The following TAFA5 variants were observed in gnomAD, a reference collection of about 807,000 sequenced individuals.
TAFA5 encodes the protein TAFA chemokine like family member 5.
TAFA5 carries 6 observed loss-of-function variants against 15.3 expected under a neutral mutation model. That is an observed-to-expected ratio of 0.39 (90% CI 0.21 to 0.77). The LOEUF (loss-of-function observed/expected upper bound fraction) is 0.77. Among genes scored for constraint, TAFA5 ranks in the 30% least tolerant of loss-of-function variants. The pLI is 0.41. For synonymous variants in TAFA5, 103 were observed against 80.7 expected, an observed-to-expected ratio of 1.28 and a Z score of -1.48; for missense variants, 161 against 193.1, an observed-to-expected ratio of 0.83 and a Z score of 0.98.
intron 2 of TAFA5, among the ~76,000 whole-genome samples, chr22:48,700,683 G>A (rs1464390238): frequency 6.6e-6 from 1 of 152,200 alleles, no homozygotes; most frequent in African/African-American, 2.4e-5. Flanking sequence ...ACGCACTCCA[G>A]GGGCAGGGCT....
chr22:48,520,143 A>T (rs1391585244), intron 1 of TAFA5, among the ~76,000 whole-genome samples: 1 of 152,218 alleles, frequency 6.6e-6, no homozygotes, highest in African/African-American at 2.4e-5. Flanking sequence ...CCACGCTGGA[A>T]GCTGGAGGCC....
At chr22:48,646,124 G>A (rs1018725752) in intron 1 of TAFA5, among the ~76,000 whole-genome samples, 2 of 152,156 alleles carry the variant, frequency 1.3e-5, no homozygotes, top group African/African-American at 4.8e-5. Flanking sequence ...TGACAAGCCT[G>A]AGCGGGGGTC....
chr22:48,606,200 CAAA>C (rs1293033877), intron 1 of TAFA5, among the ~76,000 whole-genome samples: 2 of 152,160 alleles, frequency 1.3e-5, no homozygotes. Flanking sequence ...CCTGGGACCC[CAAA>C]ATCCCACCTC....
intron 1 of TAFA5, among the ~76,000 whole-genome samples, chr22:48,643,351 C>G (rs1234164966): frequency 6.6e-6 from 1 of 152,172 alleles, no homozygotes; most frequent in African/African-American, 2.4e-5. Context: ...GGCCTTGTTT[C>G]AGGGCTCAGC....
At chr22:48,681,490 C>A (rs5845858) in intron 2 of TAFA5, among the ~76,000 whole-genome samples, 153 of 134,550 alleles carry the variant, frequency 1.1e-3, no homozygotes, top group Admixed American at 1.2e-3. Context: ...TAAAAAAATA[C>A]AAAAAAAAAA....
rs867960923 is a variant in TAFA5 at position 48,668,370 on chromosome 22, G to A, written c.262+21624G>A. Among the ~76,000 whole-genome samples, 14 of 26,590 alleles carry A rather than the reference G, an allele frequency of 5.3e-4. 1 individual carries two copies. The highest frequency in any genetic ancestry group is 9.1e-4 in the Admixed American group (2 of 2,192). The allele number at this position is 26,590 out of a possible 152,430, so 17.4% of individuals were successfully genotyped here. A position where few individuals can be genotyped will look rare whatever the true frequency, so the allele number is the denominator to read the frequency against. ...GAGCTGTAGTCCCCCAGCACTCAGGGCCGCGTCTTCACTGGGAGCTGTAAT... is the reference window on the plus strand; with the variant it reads ...GAGCTGTAGTCCCCCAGCACTCAGGACCGCGTCTTCACTGGGAGCTGTAAT... On this transcript the variant is annotated intron_variant, in intron 2 of 3. Coordinates refer to ENST00000402357, the MANE Select transcript of TAFA5 (RefSeq NM_001082967.3).
chr22:48,489,712 C>T lies in TAFA5; in HGVS notation c.112+8C>T, dbSNP rs1285519089. On this transcript the variant is annotated splice_region_variant and intron_variant, in intron 1 of 3. Coordinates refer to ENST00000402357, the MANE Select transcript of TAFA5 (RefSeq NM_001082967.3). The surrounding 1 kb of genome is among the most constrained non-coding windows in gnomAD (Gnocchi z 5.5). ...TGCTCATCGCCTACTGCAGTGAGTA[C>T]CGCGCGGCCCCGGCCCCGGCACGGC... The T allele has an allele frequency of 1.4e-6, 2 of 1,439,588 alleles. No homozygotes were observed. Among genetic ancestry groups the T allele is most frequent in the East Asian group, 3.0e-5 (1 of 32,840 alleles). 89.2% of individuals were successfully genotyped at this position (1,439,588 alleles called of 1,614,324 possible).
At chr22:48,676,535 G>T (rs1293310422) in intron 2 of TAFA5, among the ~76,000 whole-genome samples, 1 of 151,878 alleles carries the variant, frequency 6.6e-6, no homozygotes, top group East Asian at 1.9e-4. Flanking sequence ...TCGTTCAGGA[G>T]TCTACACGGC....
chr22:48,595,193 A>T (rs1924719612), intron 1 of TAFA5, among the ~76,000 whole-genome samples: 1 of 152,200 alleles, frequency 6.6e-6, no homozygotes, highest in Non-Finnish European at 1.5e-5. Context: ...GTGGCAAAGC[A>T]GTTCCCTTCC....
rs1159817576 is a variant in TAFA5 at position 48,552,850 on chromosome 22, C to T, written c.112+63146C>T. Among the ~76,000 whole-genome samples the T allele has an allele frequency of 6.6e-6, 1 of 152,134 alleles. No homozygotes were observed. Among genetic ancestry groups the T allele is most frequent in the African/African-American group, 2.4e-5 (1 of 41,418 alleles). The stretch of plus-strand genomic sequence containing the variant: ...AGGGCTCACCCCGAGGGAGGAGGCC[C>T]AGAGCCAGCCCTGGGTGCTGAGCCC... On this transcript the variant is annotated intron_variant, in intron 1 of 3. Coordinates refer to ENST00000402357, the MANE Select transcript of TAFA5 (RefSeq NM_001082967.3). This position sits in a 1 kb window ranked among gnomAD's most constrained non-coding sequence, Gnocchi z 4.1.
At chr22:48,618,131 C>T (rs559408438) in intron 1 of TAFA5, among the ~76,000 whole-genome samples, 17 of 152,310 alleles carry the variant, frequency 1.1e-4, no homozygotes, top group African/African-American at 4.1e-4. Flanking sequence ...TTTCTGCACT[C>T]TTTCAGGATT....
At chr22:48,743,877 T>C (rs1436951204) in intron 3 of TAFA5, among the ~76,000 whole-genome samples, 1 of 152,260 alleles carries the variant, frequency 6.6e-6, no homozygotes, top group Admixed American at 6.5e-5. Flanking sequence ...CCTCAGCCGA[T>C]GCCCCCACCT....
chr22:48,714,345 G>T (rs555618244), intron 3 of TAFA5, among the ~76,000 whole-genome samples: 2 of 152,226 alleles, frequency 1.3e-5, no homozygotes, highest in Non-Finnish European at 2.9e-5. Context: ...GACAAGCAGA[G>T]CTGAGCCCCA....
At chr22:48,682,028 G>A (rs1412293832) in intron 2 of TAFA5, among the ~76,000 whole-genome samples, 2 of 57,308 alleles carry the variant, frequency 3.5e-5, no homozygotes, top group African/African-American at 8.6e-5. Flanking sequence ...CTGAGGCTGC[G>A]GCTCCCCAAG....
rs1244334591 is a variant in TAFA5, at chr22:48,668,681, A to G, written c.262+21935A>G. On this transcript the variant is annotated intron_variant, in intron 2 of 3. Coordinates refer to ENST00000402357, the MANE Select transcript of TAFA5 (RefSeq NM_001082967.3). ...GGCCGCGTCTTCACCGGGAGCTGTA[A>G]TCCCCCAGCACTCGGGGCCGCGTTT... Among the ~76,000 whole-genome samples, 4 of 144,490 alleles carry G rather than the reference A, an allele frequency of 2.8e-5. 1 individual carries two copies. The highest frequency in any genetic ancestry group is 2.6e-5 in the African/African-American group (1 of 38,972). 94.8% of individuals were successfully genotyped at this position (144,490 alleles called of 152,430 possible).
intron 1 of TAFA5, among the ~76,000 whole-genome samples, chr22:48,609,409 G>A (rs1925316689): frequency 6.6e-6 from 1 of 152,082 alleles, no homozygotes. Flanking sequence ...GAGACCTGTG[G>A]CATCACTGGC....
intron 1 of TAFA5, among the ~76,000 whole-genome samples, chr22:48,641,680 G>A (rs1472348978): frequency 2.7e-5 from 4 of 146,472 alleles, no homozygotes; most frequent in South Asian, 2.3e-4. Context: ...TCGCACACGC[G>A]TGTGCACACG....
intron 1 of TAFA5, among the ~76,000 whole-genome samples, chr22:48,578,839 A>G (rs1260213394): frequency 6.6e-6 from 1 of 151,728 alleles, no homozygotes; most frequent in African/African-American, 2.4e-5. Flanking sequence ...GGCCTGGGGG[A>G]CCAGCAGTGA....
chr22:48,624,986 G>T (rs1243669781), intron 1 of TAFA5, among the ~76,000 whole-genome samples: 1 of 152,120 alleles, frequency 6.6e-6, no homozygotes, highest in Admixed American at 6.5e-5. Context: ...GTGGTGGCGG[G>T]CACCTGTAAT....
Sources: allele counts gnomAD v4.1 joint callset (sites outside exome capture counted in the v4.1 genomes callset), GRCh38; gene constraint gnomAD v4.1.1; non-coding constraint Gnocchi (gnomAD v3.1); transcripts MANE v1.5; gene names NCBI Gene and HGNC (gene_info 2026-07-23, HGNC 2026-07-21).